Variants in SMAD7 observed in about 807,000 individuals in gnomAD.
The protein encoded by SMAD7 is SMAD family member 7.
Under a neutral mutation model 38.7 loss-of-function variants are expected in SMAD7, and 8 were observed. The observed-to-expected ratio is 0.21, with a 90% CI of 0.12 to 0.37. The LOEUF (loss-of-function observed/expected upper bound fraction) is 0.37. SMAD7 is among the 10% of genes least tolerant of loss of function. The pLI, the probability that SMAD7 is intolerant of heterozygous loss-of-function variation, is 1.00. For synonymous variants in SMAD7, 327 were observed against 265.1 expected (o/e 1.23, Z -2.27); for missense variants, 477 against 577.9 (o/e 0.83, Z 1.79).
chr18:48,945,724 C>G (rs980316208), intron 2 of SMAD7, among the ~76,000 whole-genome samples: 1 of 152,188 alleles, frequency 6.6e-6, no homozygotes, highest in African/African-American at 2.4e-5. Context: ...TACTGGCCAC[C>G]TGGGTCCCTC....
intron 3 of SMAD7, among the ~76,000 whole-genome samples, chr18:48,939,025 C>T (rs1468403400): frequency 6.6e-6 from 1 of 152,192 alleles, no homozygotes; most frequent in Non-Finnish European, 1.5e-5. Flanking sequence ...GGAGAGGCCG[C>T]CCTGACATCA....
At chr18:48,935,593 G>T (rs1396026436) in intron 3 of SMAD7, among the ~76,000 whole-genome samples, 3 of 152,180 alleles carry the variant, frequency 2.0e-5, no homozygotes, top group Non-Finnish European at 2.9e-5. Context: ...GCACCATCCT[G>T]GTTCGCAGTC....
chr18:48,939,385 AC>A (rs1037431072), intron 3 of SMAD7, among the ~76,000 whole-genome samples: 2 of 29,452 alleles, frequency 6.8e-5, no homozygotes, highest in Non-Finnish European at 1.6e-4. Flanking sequence ...ACCCCCCCAC[AC>A]CCCCCCAAAA....
intron 2 of SMAD7, 144 bp from the exon 3 acceptor site, chr18:48,942,699 G>GGTCT: frequency 6.5e-7 from 1 of 1,533,906 alleles, no homozygotes; most frequent in Non-Finnish European, 8.7e-7. Flanking sequence ...GATTATTAAT[G>GGTCT]GTCTGCTCAG....
intron 2 of SMAD7, among the ~76,000 whole-genome samples, chr18:48,944,387 G>A (rs964243844): frequency 6.6e-6 from 1 of 152,220 alleles, no homozygotes; most frequent in Non-Finnish European, 1.5e-5. Context: ...CAGATCAAAG[G>A]TAAGCCAGCT....
intron 2 of SMAD7, among the ~76,000 whole-genome samples, chr18:48,942,965 C>A (rs1026972876): frequency 6.6e-6 from 1 of 152,224 alleles, no homozygotes; most frequent in African/African-American, 2.4e-5. Flanking sequence ...TCCTCTCTGC[C>A]TTCATCCTTT....
Position 48,950,180 on chromosome 18 carries a change from G to A in SMAD7, c.245C>T (p.Ala82Val). 1.3e-6 allele frequency: 2 copies of A among 1,483,730 alleles called. No individual in the cohort carries two copies. The allele number at this position is 1,483,730 out of a possible 1,614,324, so 91.9% of individuals were successfully genotyped here. ...CGCCTCGGCGCCCCCGGCCGCGCCG[G>A]CGCCCGCGGCTGGCGGGTGGGGATG... ...HHHPHPPAAG[A>V]GAAGGAEADL... The change falls in exon 1 of 4, where the codon GCC becomes GTC. Residue 82 changes from alanine (A) to valine (V), a missense_variant. Physicochemically the swap from Ala to Val is moderately conservative, Grantham distance 64. Transcript: ENST00000262158.
intron 2 of SMAD7, among the ~76,000 whole-genome samples, chr18:48,944,442 C>T (rs547373452): frequency 6.6e-6 from 1 of 152,330 alleles, no homozygotes; most frequent in South Asian, 2.1e-4. Context: ...GTGCTCTGCC[C>T]TTCTGCAGTG....
chr18:48,948,424 A>C lies in SMAD7; in HGVS notation c.627T>G (p.Pro209=), dbSNP rs772982355. The change falls in exon 2 of 4, where the codon CCT becomes CCG. Residue 209 remains proline, a synonymous_variant. Coordinates refer to ENST00000262158, the MANE Select transcript of SMAD7 (RefSeq NM_005904.4). ...SRLCELESPP[P]PYSRYPMDFL... is the part of the protein sequence containing the mutation. ...AATCCATCGGGTATCTGGAGTAAGG[A>C]GGGGGGGGAGACTCTGAAATTAAAA... is the stretch of plus-strand genomic sequence containing the variant. The C allele has an allele frequency of 6.3e-7, 1 of 1,588,582 alleles. No homozygotes were observed. The highest frequency in any genetic ancestry group is 8.6e-7 in the Non-Finnish European group (1 of 1,166,710).
rs2143826828 is a variant in SMAD7, at chr18:48,950,064, T to C, written c.361A>G (p.Thr121Ala). The C allele has an allele frequency of 7.0e-7, 1 of 1,437,362 alleles. No homozygotes were observed. Among genetic ancestry groups the C allele is most frequent in the Non-Finnish European group, 9.1e-7 (1 of 1,098,566 alleles). The allele number at this position is 1,437,362 out of a possible 1,614,324, so 89.0% of individuals were successfully genotyped here. Residue 121 changes from threonine (T) to alanine (A), a missense_variant, in exon 1 of 4, where the codon ACG (threonine) becomes GCG (alanine). Physicochemically the swap from Thr to Ala is moderately conservative, Grantham distance 58. Coordinates refer to ENST00000262158, the MANE Select transcript of SMAD7 (RefSeq NM_005904.4). ...LLQAVESRGG[T>A]RTACLLLPGR... ...GGCAGCAGGAGGCACGCGGTGCGCG[T>C]CCCGCCGCGGGACTCCACGGCCTGG...
In SMAD7 at chr18:48,949,861, G is replaced by C. The variant is rs777439249; in HGVS notation, c.564C>G (p.Pro188=). 3.1e-6 allele frequency: 5 copies of C among 1,612,774 alleles called. No individual in the cohort carries two copies. The Admixed American group carries it at 5.0e-5, about 16-fold the overall frequency. The part of the protein sequence containing the change: ...CCCESYGKIN[P]ELVCCNPHHL... ...GATGGGGGTTGCAGCACACCAGCTC[G>C]GGGTTGATCTTCCCGTAAGATTCAC... The change falls in exon 1 of 4, where the codon CCC becomes CCG. Residue 188 remains proline (P), a synonymous_variant. Transcript: ENST00000262158.
intron 3 of SMAD7, among the ~76,000 whole-genome samples, chr18:48,939,160 A>G (rs1244047040): frequency 9.0e-6 from 1 of 110,502 alleles, no homozygotes; most frequent in African/African-American, 3.7e-5. Context: ...CCACCCACAC[A>G]CCCACCCCCA....
At chr18:48,945,471 A>G (rs1276553709) in intron 2 of SMAD7, among the ~76,000 whole-genome samples, 1 of 152,132 alleles carries the variant, frequency 6.6e-6, no homozygotes, top group Non-Finnish European at 1.5e-5. Context: ...AAAAAAAAAG[A>G]ACACAGCACT....
At chr18:48,925,077 G>A (rs2069909881) in intron 3 of SMAD7, among the ~76,000 whole-genome samples, 1 of 152,216 alleles carries the variant, frequency 6.6e-6, no homozygotes, top group African/African-American at 2.4e-5. Context: ...GACTTCCCGG[G>A]CCACGTGTCG....
At chr18:48,949,779 G>A in intron 1 of SMAD7, 33 bp downstream of exon 1, 1 of 1,549,666 alleles carries the variant, frequency 6.5e-7, no homozygotes, top group Non-Finnish European at 8.7e-7. Context: ...TGGCGCTCCG[G>A]AAAATGTTGG....
intron 3 of SMAD7, chr18:48,930,201 A>G (rs1599224081): frequency 6.5e-6 from 1 of 152,674 alleles, no homozygotes. Flanking sequence ...AAACAACAGT[A>G]CGACAGCCTG....
chr18:48,941,171 C>T (rs896030342), intron 3 of SMAD7, among the ~76,000 whole-genome samples: 1 of 152,160 alleles, frequency 6.6e-6, no homozygotes. Context: ...AGAAAAGATG[C>T]AGTTCACACA....
intron 3 of SMAD7, among the ~76,000 whole-genome samples, chr18:48,926,025 C>T (rs1400814176): frequency 1.3e-5 from 2 of 152,196 alleles, no homozygotes; most frequent in African/African-American, 2.4e-5. Flanking sequence ...GGATTATAGG[C>T]GTGAGCCGCC....
chr18:48,949,837 A>G lies in SMAD7; in HGVS notation c.588T>C (p.His196=), dbSNP rs758911260. The G allele has an allele frequency of 3.1e-6, 5 of 1,611,964 alleles. No individual in the cohort carries two copies. The highest frequency in any genetic ancestry group is 4.2e-6 in the Non-Finnish European group (5 of 1,179,068). The change falls in exon 1 of 4, where the codon CAT becomes CAC. Residue 196 remains histidine, a synonymous_variant. Coordinates refer to ENST00000262158, the MANE Select transcript of SMAD7 (RefSeq NM_005904.4). ...INPELVCCNP[H]HLSRLCELES... The stretch of plus-strand genomic sequence containing the variant: ...CTAGTTCGCAGAGTCGGCTAAGGTG[A>G]TGGGGGTTGCAGCACACCAGCTCGG...
Sources: allele counts gnomAD v4.1 joint callset (sites outside exome capture counted in the v4.1 genomes callset), GRCh38; gene constraint gnomAD v4.1.1; transcripts MANE v1.5; gene names NCBI Gene and HGNC (gene_info 2026-07-23, HGNC 2026-07-21).